Variants in GRID2 observed in about 807,000 individuals in gnomAD.
GRID2 encodes the protein glutamate receptor ionotropic, delta-2.
A neutral mutation model predicts 114.8 loss-of-function variants in GRID2; 33 were observed. The ratio of observed to expected loss-of-function variants is 0.29; its 90% confidence interval spans 0.22 to 0.38. The LOEUF is 0.38. Ranked by LOEUF, GRID2 falls within the 10% of genes least tolerant of loss-of-function variation. GRID2 has a pLI of 1.00. For synonymous variants in GRID2, 505 were observed against 449.9 expected (o/e 1.12, Z -1.55); for missense variants, 1,184 against 1,257.7 (o/e 0.94, Z 0.89).
chr4:93,655,698 A>G (rs911618997), intron 14 of GRID2, among the ~76,000 whole-genome samples: 9 of 152,124 alleles, frequency 5.9e-5, no homozygotes, highest in African/African-American at 1.9e-4. Flanking sequence ...AAATATTAAA[A>G]TTACTTTTGG....
At chr4:93,405,116 A>G (rs2149343774) in intron 9 of GRID2, among the ~76,000 whole-genome samples, 1 of 152,268 alleles carries the variant, frequency 6.6e-6, no homozygotes, top group Admixed American at 6.5e-5. Context: ...TTATTGAAAC[A>G]GTGTAATCAG....
At chr4:93,293,380 A>G (rs1330176033) in intron 8 of GRID2, among the ~76,000 whole-genome samples, 2 of 152,160 alleles carry the variant, frequency 1.3e-5, no homozygotes, top group African/African-American at 2.4e-5. Flanking sequence ...ATGGAATAAG[A>G]GAAATTTAAC....
chr4:92,592,007 A>C (rs1367491774), intron 2 of GRID2, among the ~76,000 whole-genome samples: 1 of 152,072 alleles, frequency 6.6e-6, no homozygotes, highest in Non-Finnish European at 1.5e-5. Flanking sequence ...GTTAATAAAT[A>C]TTAATAAATT....
chr4:92,713,059 A>G (rs1406550147), intron 2 of GRID2, among the ~76,000 whole-genome samples: 1 of 151,024 alleles, frequency 6.6e-6, no homozygotes, highest in Non-Finnish European at 1.5e-5. Context: ...GATTAGTTAC[A>G]TATGTATACA....
At chr4:92,502,349 G>T (rs1040207905) in intron 1 of GRID2, among the ~76,000 whole-genome samples, 9 of 151,666 alleles carry the variant, frequency 5.9e-5, no homozygotes, top group African/African-American at 2.2e-4. Flanking sequence ...ATTATTAGGG[G>T]CTAAATGCAA....
At chr4:93,225,815 T>C (rs1054077667) in intron 7 of GRID2, among the ~76,000 whole-genome samples, 1 of 152,172 alleles carries the variant, frequency 6.6e-6, no homozygotes, top group Non-Finnish European at 1.5e-5. Context: ...TTGGGAAATA[T>C]ATAAAAAATG....
intron 2 of GRID2, among the ~76,000 whole-genome samples, chr4:92,996,280 ACTCT>A (rs1405470555): frequency 6.6e-6 from 1 of 150,406 alleles, no homozygotes; most frequent in Admixed American, 6.6e-5. Context: ...ACAGAACAAG[ACTCT>A]CTCTCTTTCT....
At chr4:93,310,516 C>T (rs528224505) in intron 8 of GRID2, among the ~76,000 whole-genome samples, 6 of 152,026 alleles carry the variant, frequency 3.9e-5, no homozygotes, top group Admixed American at 6.6e-5. Flanking sequence ...GGGCGCAGAA[C>T]GAGACTCCAT....
At chr4:93,146,603 G>A (rs1736283897) in intron 4 of GRID2, among the ~76,000 whole-genome samples, 2 of 151,668 alleles carry the variant, frequency 1.3e-5, no homozygotes, top group African/African-American at 4.8e-5. Flanking sequence ...AAGAGAGAAA[G>A]GAGGAGAGAG....
In GRID2 at chr4:93,422,932, G is replaced by C. The variant is rs137991098; in HGVS notation, c.1509G>C (p.Gly503=). 6.2e-7 allele frequency: 1 copy of C among 1,613,442 alleles called. No individual in the cohort carries two copies. Among genetic ancestry groups the C allele is most frequent in the Non-Finnish European group, 8.5e-7 (1 of 1,179,434 alleles). The change falls in exon 10 of 16, where the codon GGG becomes GGC. Residue 503 remains glycine, a synonymous_variant. Transcript: ENST00000282020. Reference sequence around the variant, plus strand: ...AATACGGAAGCCCACAAGAAGATGGGACATGGAATGGCTTGGTAGGAGAAC... The same window carrying C: ...AATACGGAAGCCCACAAGAAGATGGCACATGGAATGGCTTGGTAGGAGAAC... ...DHKYGSPQED[G]TWNGLVGELV...
At chr4:93,064,194 C>T (rs979672417) in intron 2 of GRID2, among the ~76,000 whole-genome samples, 1 of 150,246 alleles carries the variant, frequency 6.7e-6, no homozygotes, top group African/African-American at 2.4e-5. Flanking sequence ...TAGTTTTGCA[C>T]CAACCTAATA....
chr4:93,522,936 C>T (rs763513531), intron 13 of GRID2, among the ~76,000 whole-genome samples: 5 of 151,994 alleles, frequency 3.3e-5, no homozygotes, highest in East Asian at 1.9e-4. Context: ...CAAGAAGAAA[C>T]GCAGAACTCC....
At chr4:92,340,403 A>G (rs1006531087) in intron 1 of GRID2, among the ~76,000 whole-genome samples, 3 of 152,122 alleles carry the variant, frequency 2.0e-5, no homozygotes, top group Non-Finnish European at 4.4e-5. Context: ...TCAACATTCA[A>G]TTCTGATCTT....
At chr4:92,469,151 A>T (rs1363315394) in intron 1 of GRID2, among the ~76,000 whole-genome samples, 1 of 152,172 alleles carries the variant, frequency 6.6e-6, no homozygotes, top group Non-Finnish European at 1.5e-5. Context: ...GGCTATTATT[A>T]TCCCGTCAGG....
At chr4:93,742,669 A>G (rs1400665397) in intron 14 of GRID2, among the ~76,000 whole-genome samples, 1 of 152,144 alleles carries the variant, frequency 6.6e-6, no homozygotes, top group South Asian at 2.1e-4. Context: ...TGTTACTATC[A>G]TAATTGTTTT....
intron 10 of GRID2, among the ~76,000 whole-genome samples, chr4:93,438,509 C>T (rs1441572431): frequency 2.0e-5 from 3 of 151,842 alleles, no homozygotes; most frequent in Non-Finnish European, 4.4e-5. Flanking sequence ...ATTTAACTTA[C>T]GTTTAAGAAA....
chr4:93,566,028 C>T (rs1735377989), intron 13 of GRID2, among the ~76,000 whole-genome samples: 1 of 152,112 alleles, frequency 6.6e-6, no homozygotes, highest in Non-Finnish European at 1.5e-5. Flanking sequence ...CACAGTCATT[C>T]AGGGAACAAG....
intron 2 of GRID2, among the ~76,000 whole-genome samples, chr4:92,692,840 T>C (rs773184590): frequency 1.4e-4 from 22 of 151,926 alleles, no homozygotes; most frequent in Admixed American, 3.9e-4. Flanking sequence ...CTGGCCAACA[T>C]GGCGAAACCC....
At chr4:93,493,573 C>T (rs1180537343) in intron 12 of GRID2, among the ~76,000 whole-genome samples, 3 of 150,790 alleles carry the variant, frequency 2.0e-5, no homozygotes, top group African/African-American at 7.3e-5. Context: ...AGTGGTGGGT[C>T]CTAGAATTTG....
Sources: allele counts gnomAD v4.1 joint callset (sites outside exome capture counted in the v4.1 genomes callset), GRCh38; gene constraint gnomAD v4.1.1; transcripts MANE v1.5; gene names NCBI Gene and HGNC (gene_info 2026-07-23, HGNC 2026-07-21).